The following PRC1 variants were observed in gnomAD, a reference collection of about 807,000 sequenced individuals.
PRC1 encodes protein regulator of cytokinesis 1.
A neutral mutation model predicts 91.2 loss-of-function variants in PRC1; 54 were observed. The observed-to-expected ratio is 0.59, with a 90% CI of 0.48 to 0.74. The LOEUF is 0.74. Among genes scored for constraint, PRC1 ranks in the 30% least tolerant of loss-of-function variants. The pLI is 0.00. For synonymous variants in PRC1, 275 were observed against 263.6 expected (o/e 1.04, Z -0.42); for missense variants, 727 against 746.2 (o/e 0.97, Z 0.30).
At chr15:90,979,051 G>A in intron 8 of PRC1, 107 bp downstream of exon 8, 3 of 1,316,242 alleles carry the variant, frequency 2.3e-6, no homozygotes, top group Non-Finnish European at 3.1e-6. Flanking sequence ...GAGACTTAAT[G>A]ATAAAGATGG....
intron 14 of PRC1, chr15:90,968,525 AC>A: frequency 1.0e-6 from 1 of 990,360 alleles, no homozygotes; most frequent in Non-Finnish European, 1.2e-6. Context: ...AGAGTAGGAT[AC>A]TAGGAAGTGA....
intron 1 of PRC1, among the ~76,000 whole-genome samples, chr15:90,985,270 G>A (rs1306578531): frequency 2.0e-5 from 3 of 149,478 alleles, no homozygotes; most frequent in Non-Finnish European, 4.4e-5. Flanking sequence ...TTGCTCTGTC[G>A]CCCAGGCTGG....
chr15:90,975,358 A>G (rs2151479933), intron 9 of PRC1, among the ~76,000 whole-genome samples: 1 of 152,266 alleles, frequency 6.6e-6, no homozygotes, highest in African/African-American at 2.4e-5. Flanking sequence ...CTGGGATTAC[A>G]GGAGTGAGAC....
chr15:90,990,045 A>C (rs975433636), intron 1 of PRC1, among the ~76,000 whole-genome samples: 2 of 151,944 alleles, frequency 1.3e-5, no homozygotes, highest in Non-Finnish European at 2.9e-5. Context: ...TAAACAATAA[A>C]ATTTTTTTTT....
rs556180693 is a variant in PRC1, at chr15:90,994,181, C to A, written c.11+226G>T. Among the ~76,000 whole-genome samples the A allele has an allele frequency of 9.2e-5, 14 of 152,158 alleles. No individual in the cohort carries two copies. In the South Asian group the frequency reaches 1.9e-3, roughly 20 times the overall value. On this transcript the variant is annotated intron_variant, in intron 1 of 14. Coordinates refer to ENST00000394249, the MANE Select transcript of PRC1 (RefSeq NM_003981.4). ...ACCCGGGCGTCTGAGCCTGCGGGCA[C>A]CTGCGGCCGCCGGCGGACAGCGCGT...
At chr15:90,983,982 G>C (rs771538183) in intron 3 of PRC1, 36 bp downstream of exon 3, 3 of 1,610,488 alleles carry the variant, frequency 1.9e-6, no homozygotes, top group Non-Finnish European at 2.5e-6. Flanking sequence ...TCAGGCCCCA[G>C]ACAGATCACC....
At chr15:90,993,295 G>A (rs2040091234) in intron 1 of PRC1, among the ~76,000 whole-genome samples, 1 of 145,652 alleles carries the variant, frequency 6.9e-6, no homozygotes, top group Non-Finnish European at 1.5e-5. Flanking sequence ...TGCAACCTCT[G>A]CCTCCTAGGC....
At position 90,974,269 on chromosome 15, in the gene PRC1, A is replaced by G. The variant is rs767103855; in HGVS notation, c.1351-23T>C. ...TTGCTGTGTGAAAGTCAGAAGCAAC[A>G]GTGATAAATCTCAGGAAGAGAGCGG... is the stretch of plus-strand genomic sequence containing the variant. On this transcript the variant is annotated intron_variant, in intron 10 of 14. Transcript: ENST00000394249. The surrounding 1 kb of genome is among the most constrained non-coding windows in gnomAD (Gnocchi z 4.6). 1.1e-5 allele frequency: 17 copies of G among 1,583,498 alleles called. No individual in the cohort carries two copies. The Admixed American group carries it at 1.3e-4, about 12-fold the overall frequency.
Position 90,974,557 on chromosome 15 carries a change from C to A in PRC1, c.1350+28G>T, listed in dbSNP as rs1484696354. On this transcript the variant is annotated intron_variant, in intron 10 of 14. Transcript: ENST00000394249. This position sits in a 1 kb window ranked among gnomAD's most constrained non-coding sequence, Gnocchi z 4.6. ...GCTCAGATTACTTTCTTCGTCTTTT[C>A]CCAATTTGCGTTCACGTTCACACTT... The A allele has an allele frequency of 1.9e-6, 3 of 1,613,792 alleles. No individual in the cohort carries two copies. Among genetic ancestry groups the A allele is most frequent in the South Asian group, 1.1e-5 (1 of 91,084 alleles).
intron 8 of PRC1, 96 bp downstream of exon 8, chr15:90,979,062 G>C: frequency 7.4e-7 from 1 of 1,351,520 alleles, no homozygotes; most frequent in African/African-American, 1.5e-5. Context: ...ATAAAGATGG[G>C]GTATCAAAAG....
chr15:90,982,804 A>G (rs1262332980), intron 3 of PRC1: 2 of 152,134 alleles, frequency 1.3e-5, no homozygotes, highest in African/African-American at 2.4e-5. Context: ...TGGGTTAGCT[A>G]TAGGGTGGCA....
At chr15:90,977,919 A>G (rs1357326956) in intron 8 of PRC1, among the ~76,000 whole-genome samples, 1 of 152,134 alleles carries the variant, frequency 6.6e-6, no homozygotes, top group Non-Finnish European at 1.5e-5. Flanking sequence ...TTCTTGTTGT[A>G]ACCAGAAGTA....
Position 90,976,730 on chromosome 15 carries a change from T to C in PRC1, c.1149A>G (p.Gly383=), listed in dbSNP as rs761792544. The C allele has an allele frequency of 8.7e-6, 14 of 1,613,930 alleles. No individual in the cohort carries two copies. The highest frequency in any genetic ancestry group is 1.2e-5 in the Non-Finnish European group (14 of 1,179,802). ...SDPNRFTNRG[G]NLLKEEKQRA... is the part of the protein sequence containing the mutation. Reference sequence around the variant, plus strand: ...GTTGTTTTTCTTCTTTTAGAAGATTTCCTCCTCGGTTTGTAAATCGATTTG... The same window carrying C: ...GTTGTTTTTCTTCTTTTAGAAGATTCCCTCCTCGGTTTGTAAATCGATTTG... Residue 383 remains glycine, a synonymous_variant, in exon 9 of 15, where the codon GGA becomes GGG. Coordinates refer to ENST00000394249, the MANE Select transcript of PRC1 (RefSeq NM_003981.4).
chr15:90,971,961 T>C (rs932402321), intron 11 of PRC1, among the ~76,000 whole-genome samples: 1 of 151,606 alleles, frequency 6.6e-6, no homozygotes, highest in Non-Finnish European at 1.5e-5. Context: ...CCAGGAGGTG[T>C]AGGTTGCAGT....
intron 12 of PRC1, 46 bp from the exon 13 acceptor site, chr15:90,969,669 G>A (rs771906041): frequency 3.9e-6 from 6 of 1,530,140 alleles, no homozygotes; most frequent in South Asian, 3.8e-5. Context: ...TCTAATGAAC[G>A]TGCACACGCA....
intron 8 of PRC1, among the ~76,000 whole-genome samples, 169 bp downstream of exon 8, chr15:90,978,989 A>G (rs944258490): frequency 3.3e-5 from 5 of 152,146 alleles, no homozygotes; most frequent in African/African-American, 1.2e-4. Context: ...TTTTCTCTTA[A>G]AAGACCCTGT....
In PRC1 at chr15:90,981,510, A is replaced by G; in HGVS notation, c.661T>C (p.Leu221=). Residue 221 remains leucine, a synonymous_variant, in exon 5 of 15, where the codon TTG becomes CTG. Transcript: ENST00000394249. ...SLENIATLQK[L]LRQLEMQKSQ... is the part of the protein sequence containing the mutation. ...TGAGAAGACAGTACCTGCCGTAGCA[A>G]CTTTTGTAGTGTTGCAATATTCTCC... 6.2e-7 allele frequency: 1 copy of G among 1,613,894 alleles called. No homozygotes were observed. Among genetic ancestry groups the G allele is most frequent in the Non-Finnish European group, 8.5e-7 (1 of 1,180,034 alleles).
In PRC1 at chr15:90,966,187, CA is replaced by C. The variant is rs1163619954; in HGVS notation, c.*943del. The C allele has an allele frequency of 5.4e-6, 1 of 186,202 alleles. No individual in the cohort carries two copies. The highest frequency in any genetic ancestry group is 1.1e-5 in the Non-Finnish European group (1 of 87,962). The allele number at this position is 186,202 out of a possible 1,614,324, so 11.5% of individuals were successfully genotyped here. On this transcript the variant is annotated 3_prime_UTR_variant, in exon 15 of 15. Transcript: ENST00000394249. ...TTGAGAACCATTTACACTATGTTGA[CA>C]GTAGTACTGCTGCAGGCAGACAGCG...
At chr15:90,967,704 A>C (rs2037639859) in intron 14 of PRC1, 9 of 511,194 alleles carry the variant, frequency 1.8e-5, no homozygotes, top group Non-Finnish European at 2.3e-5. Context: ...GTAGCCTAGG[A>C]GGAAAACGCC....
Sources: gnomAD v4.1 joint callset for allele counts (sites outside exome capture counted in the v4.1 genomes callset) on GRCh38, gnomAD v4.1.1 for gene constraint, Gnocchi (gnomAD v3.1) non-coding constraint, MANE v1.5 for transcripts, NCBI Gene and HGNC (gene_info 2026-07-23, HGNC 2026-07-21) for gene names.